ZNF682: variants seen among roughly 807,000 people sequenced by gnomAD.
The protein encoded by ZNF682 is zinc finger protein 682.
A neutral mutation model predicts 36.5 loss-of-function variants in ZNF682; 29 were observed. The ratio of observed to expected loss-of-function variants is 0.80; its 90% CI spans 0.59 to 1.08. The LOEUF (loss-of-function observed/expected upper bound fraction) is 1.08, where lower values mean the gene tolerates loss of function less well. ZNF682 is among the 50% of genes least tolerant of loss of function. The pLI is 0.00. For missense variants in ZNF682, 561 were observed against 579.7 expected (o/e 0.97, Z 0.33); for synonymous variants, 180 against 197.0 (o/e 0.91, Z 0.72).
rs761414570 is a variant in ZNF682 at position 20,006,624 on chromosome 19, G to T, written c.878C>A (p.Ala293Glu). The T allele has an allele frequency of 6.2e-7, 1 of 1,614,052 alleles. No homozygotes were observed. The highest frequency in any genetic ancestry group is 1.7e-5 in the Admixed American group (1 of 60,004). ...GGTGAGATGTGAGTGCCGGTTAAAC[G>T]CTCTGCCACAGTCTTCACATGTATA... ...KPYTCEDCGR[A>E]FNRHSHLTKH... The change falls in exon 4 of 4, where the codon GCG (alanine) becomes GAG (glutamate). Residue 293 changes from alanine (A) to glutamate (E), a missense_variant. Transcript: ENST00000397165.
At position 20,006,142 on chromosome 19, in the gene ZNF682, T is replaced by C. The variant is rs2088214796; in HGVS notation, c.1360A>G (p.Lys454Glu). 2 of 1,613,202 alleles carry C rather than the reference T, an allele frequency of 1.2e-6. No homozygotes were observed. Among genetic ancestry groups the C allele is most frequent in the Non-Finnish European group, 1.7e-6 (2 of 1,179,220 alleles). Residue 454 changes from lysine (K) to glutamate (E), a missense_variant, in exon 4 of 4, where the codon AAA (lysine) becomes GAA (glutamate). Physicochemically the swap from Lys to Glu is moderately conservative, Grantham distance 56 (BLOSUM62 1). Coordinates refer to ENST00000397165, the MANE Select transcript of ZNF682 (RefSeq NM_033196.3). The stretch of plus-strand genomic sequence containing the variant: ...AAAGCTTTGCCACATTCTTCACATT[T>C]ATAGCGTTTGACGGCAGTATGAATT... ...KKIHTAVKRY[K>E]CEECGKAFKR...
chr19:20,004,889 T>A lies in ZNF682; in HGVS notation c.*1116A>T, dbSNP rs1310154899. Reference sequence around the variant, plus strand: ...AGTCTCAAAATATTAATCTCCTATTTCTGTTTAGGCTAACTAAATTATGTT... The same window carrying A: ...AGTCTCAAAATATTAATCTCCTATTACTGTTTAGGCTAACTAAATTATGTT... On this transcript the variant is annotated 3_prime_UTR_variant, in exon 4 of 4. Coordinates refer to ENST00000397165, the MANE Select transcript of ZNF682 (RefSeq NM_033196.3). The A allele has an allele frequency of 6.6e-6, 1 of 152,208 alleles. No homozygotes were observed. Among genetic ancestry groups the A allele is most frequent in the African/African-American group, 2.4e-5 (1 of 41,458 alleles). 9.4% of individuals were successfully genotyped at this position (152,208 alleles called of 1,614,324 possible).
chr19:19,995,845 CT>C (rs2088126342), downstream of ZNF682, among the ~76,000 whole-genome samples: 1 of 151,974 alleles, frequency 6.6e-6, no homozygotes, highest in Non-Finnish European at 1.5e-5. Context: ...AACATAACAT[CT>C]CAGTCATAAT....
downstream of ZNF682, among the ~76,000 whole-genome samples, chr19:20,002,059 T>C (rs1478619016): frequency 1.3e-5 from 2 of 152,108 alleles, no homozygotes; most frequent in African/African-American, 4.8e-5. Flanking sequence ...AAGGGCCACT[T>C]ATGAACAGAA....
intron 1 of ZNF682, among the ~76,000 whole-genome samples, chr19:20,035,538 A>G (rs2088521431): frequency 6.6e-6 from 1 of 152,024 alleles, no homozygotes; most frequent in South Asian, 2.1e-4. Flanking sequence ...TTCTTTTGAT[A>G]TAAGATATAA....
At chr19:20,015,698 A>C (rs1199670048) in intron 3 of ZNF682, 1 of 391,560 alleles carries the variant, frequency 2.6e-6, no homozygotes, top group Non-Finnish European at 4.5e-6. Flanking sequence ...TTAGAGCATT[A>C]ATATTTCACA....
chr19:19,995,292 T>C (rs1343347638), downstream of ZNF682, among the ~76,000 whole-genome samples: 4 of 152,174 alleles, frequency 2.6e-5, no homozygotes, highest in Non-Finnish European at 5.9e-5. Flanking sequence ...AGACTGTATA[T>C]ATTTACACCA....
At chr19:20,023,999 A>AAATAT (rs2088410084) in intron 2 of ZNF682, among the ~76,000 whole-genome samples, 1 of 152,058 alleles carries the variant, frequency 6.6e-6, no homozygotes. Flanking sequence ...AAATAAAATA[A>AAATAT]AATAAAAAAA....
chr19:20,011,555 A>G (rs950017502), intron 3 of ZNF682, among the ~76,000 whole-genome samples: 1 of 152,242 alleles, frequency 6.6e-6, no homozygotes, highest in African/African-American at 2.4e-5. Context: ...ATGCTCAGTC[A>G]AAACAGATTT....
intron 3 of ZNF682, among the ~76,000 whole-genome samples, chr19:20,014,863 C>A (rs138200065): frequency 1.3e-5 from 2 of 151,054 alleles, no homozygotes; most frequent in East Asian, 3.9e-4. Context: ...AATAAGCCAG[C>A]CATAAAAAGA....
intron 1 of ZNF682, among the ~76,000 whole-genome samples, chr19:20,031,829 C>A (rs1568546917): frequency 6.7e-6 from 1 of 149,780 alleles, no homozygotes; most frequent in Non-Finnish European, 1.5e-5. Flanking sequence ...GTAGTCCCAG[C>A]TACTCGGGAG....
chr19:20,012,682 G>A (rs1449870653), intron 3 of ZNF682, among the ~76,000 whole-genome samples: 1 of 150,802 alleles, frequency 6.6e-6, no homozygotes, highest in Non-Finnish European at 1.5e-5. Context: ...GCAGGAGAAT[G>A]GCACGAACCC....
At chr19:20,038,280 A>G (rs1329320544) in intron 1 of ZNF682, among the ~76,000 whole-genome samples, 1 of 152,144 alleles carries the variant, frequency 6.6e-6, no homozygotes, top group Non-Finnish European at 1.5e-5. Flanking sequence ...AATGTTTGCA[A>G]ATGAAAAACA....
rs35481536 is a variant in ZNF682 at position 20,012,767 on chromosome 19, C to CAA, written c.227-5494_227-5493dup. ...TGGGCGACAGAGCAAGACTCCGTCT[C>CAA]AAAAAAAAAAAAAAAAAAAGAAATT... On this transcript the variant is annotated intron_variant, in intron 3 of 3. Coordinates refer to ENST00000397165, the MANE Select transcript of ZNF682 (RefSeq NM_033196.3). Among the ~76,000 whole-genome samples the CAA allele has an allele frequency of 2.5e-3, 211 of 83,692 alleles. 5 individuals carry two copies. The highest frequency in any genetic ancestry group is 8.9e-3 in the African/African-American group (191 of 21,388). 54.9% of individuals were successfully genotyped at this position (83,692 alleles called of 152,430 possible). A position where few individuals can be genotyped will look rare whatever the true frequency, so the allele number is the denominator to read the frequency against.
chr19:20,007,573 T>C (rs1039242221), intron 3 of ZNF682: 48 of 297,572 alleles, frequency 1.6e-4, no homozygotes, highest in East Asian at 7.2e-4. Flanking sequence ...AGACCAGTCT[T>C]ATGGAAGGGA....
chr19:20,007,387 G>T, intron 3 of ZNF682, 112 bp from the exon 4 acceptor site: 2 of 1,006,422 alleles, frequency 2.0e-6, no homozygotes, highest in Non-Finnish European at 2.8e-6. Flanking sequence ...CTTACTAGAT[G>T]CAGCTGGGAA....
At chr19:20,021,360 T>G (rs1012154954) in intron 3 of ZNF682, among the ~76,000 whole-genome samples, 4 of 152,168 alleles carry the variant, frequency 2.6e-5, no homozygotes, top group African/African-American at 9.7e-5. Context: ...GAGACCAGCC[T>G]GTAATCCCAG....
rs2088199614 is a variant in ZNF682, at chr19:20,005,082, T to C, written c.*923A>G. 6.6e-6 allele frequency: 1 copy of C among 152,094 alleles called. No homozygotes were observed. Among genetic ancestry groups the C allele is most frequent in the Admixed American group, 6.6e-5 (1 of 15,262 alleles). 9.4% of individuals were successfully genotyped at this position (152,094 alleles called of 1,614,324 possible). ...TAAATGCTTTCATATAAACTAGCGT[T>C]CTTTCTTTTTTTTTGAGACAGAGTC... On this transcript the variant is annotated 3_prime_UTR_variant, in exon 4 of 4. Transcript: ENST00000397165.
Position 20,006,779 on chromosome 19 carries a change from G to A in ZNF682, c.723C>T (p.Cys241=). 3 of 1,611,644 alleles carry A rather than the reference G, an allele frequency of 1.9e-6. No homozygotes were observed. Among genetic ancestry groups the A allele is most frequent in the Non-Finnish European group, 2.5e-6 (3 of 1,179,286 alleles). ...CEECGKAFNW[C]SSLTKHKRIH... is the part of the protein sequence containing the mutation. ...TTCTCTTATGTTTAGTAAGACTCGA[G>A]CACCAGTTAAAAGCTTTGCCACATT... The change falls in exon 4 of 4, where the codon TGC becomes TGT. Residue 241 remains cysteine, a synonymous_variant. Transcript: ENST00000397165.
Sources: gnomAD v4.1 joint callset for allele counts (sites outside exome capture counted in the v4.1 genomes callset) on GRCh38, gnomAD v4.1.1 for gene constraint, MANE v1.5 for transcripts, NCBI Gene and HGNC (gene_info 2026-07-23, HGNC 2026-07-21) for gene names.